The following AP1G1 variants were observed in gnomAD, a reference collection of about 807,000 sequenced individuals.
AP1G1 encodes the protein adaptor related protein complex 1 subunit gamma 1, also known as AP-1 complex subunit gamma-1.
In AP1G1, 7 loss-of-function variants were observed where a neutral mutation model predicts 108.3. The ratio of observed to expected loss-of-function variants is 0.06; its 90% confidence interval spans 0.04 to 0.12. The LOEUF is 0.12. Ranked by LOEUF, AP1G1 falls within the 10% of genes least tolerant of loss-of-function variation. The pLI, the probability that AP1G1 is intolerant of heterozygous loss-of-function variation, is 1.00. For synonymous variants in AP1G1, 379 were observed against 353.5 expected, an observed-to-expected ratio of 1.07 and a Z score of -0.81; for missense variants, 756 against 1,010.7, an observed-to-expected ratio of 0.75 and a Z score of 3.42.
intron 6 of AP1G1, among the ~76,000 whole-genome samples, chr16:71,768,500 CAA>C (rs527404594): frequency 2.4e-5 from 2 of 83,712 alleles, no homozygotes; most frequent in African/African-American, 9.7e-5. Context: ...GACTCCGCCA[CAA>C]AAAAAAAAAA....
intron 2 of AP1G1, 81 bp from the exon 3 acceptor site, chr16:71,774,673 C>A (rs2031708255): frequency 7.1e-7 from 1 of 1,409,650 alleles, no homozygotes; most frequent in South Asian, 1.4e-5. Flanking sequence ...AACCCAGAGT[C>A]CCCAGCTGGC....
At chr16:71,737,499 G>C (rs1296267418) in intron 21 of AP1G1, among the ~76,000 whole-genome samples, 1 of 152,100 alleles carries the variant, frequency 6.6e-6, no homozygotes, top group Non-Finnish European at 1.5e-5. Context: ...TGCTGAGGCT[G>C]GTCTCAAACT....
chr16:71,778,689 A>C (rs912285828), intron 2 of AP1G1, among the ~76,000 whole-genome samples: 20 of 151,854 alleles, frequency 1.3e-4, no homozygotes, highest in Admixed American at 2.6e-4. Flanking sequence ...TCTTAAAAAA[A>C]AAAAAAGAAA....
chr16:71,741,468 A>C (rs2045620824), intron 19 of AP1G1, among the ~76,000 whole-genome samples: 1 of 152,164 alleles, frequency 6.6e-6, no homozygotes, highest in African/African-American at 2.4e-5. Flanking sequence ...CTATAGTCCC[A>C]GCCACTCGGG....
At chr16:71,808,215 C>G in intron 1 of AP1G1, 2 of 651,766 alleles carry the variant, frequency 3.1e-6, no homozygotes, top group Non-Finnish European at 4.0e-6. Flanking sequence ...AACATATACA[C>G]ACACACACGA....
chr16:71,799,735 T>G (rs953529190), intron 1 of AP1G1, among the ~76,000 whole-genome samples: 1 of 150,398 alleles, frequency 6.6e-6, no homozygotes, highest in African/African-American at 2.5e-5. Context: ...CCAATTCTAC[T>G]AAAAATACAG....
intron 2 of AP1G1, among the ~76,000 whole-genome samples, chr16:71,775,749 G>A (rs902680243): frequency 2.0e-5 from 3 of 152,160 alleles, no homozygotes; most frequent in East Asian, 3.8e-4. Flanking sequence ...CAAGTACTAC[G>A]GGAGAGGGCG....
intron 13 of AP1G1, among the ~76,000 whole-genome samples, chr16:71,752,228 A>C (rs1300269123): frequency 6.6e-6 from 1 of 152,170 alleles, no homozygotes; most frequent in East Asian, 1.9e-4. Context: ...TTCCTTCAGG[A>C]GTGTTAATTT....
intron 9 of AP1G1, among the ~76,000 whole-genome samples, chr16:71,762,831 T>G (rs1035021739): frequency 2.0e-5 from 3 of 150,080 alleles, no homozygotes; most frequent in Non-Finnish European, 4.5e-5. Context: ...AGGAGGGGGT[T>G]GTGGGAACCC....
At chr16:71,752,843 T>G (rs1465266472) in intron 13 of AP1G1, among the ~76,000 whole-genome samples, 1 of 152,208 alleles carries the variant, frequency 6.6e-6, no homozygotes, top group Non-Finnish European at 1.5e-5. Context: ...CAATTTTACT[T>G]TATTTCTTTA....
chr16:71,736,098 CAAAAAAA>C (rs1213680207), intron 21 of AP1G1, among the ~76,000 whole-genome samples: 2 of 25,426 alleles, frequency 7.9e-5, no homozygotes, highest in African/African-American at 1.9e-4. Context: ...GACTCCATCT[CAAAAAAA>C]AAAAAAAAAA....
chr16:71,795,450 T>C (rs2032550987), intron 1 of AP1G1, among the ~76,000 whole-genome samples: 1 of 152,190 alleles, frequency 6.6e-6, no homozygotes, highest in African/African-American at 2.4e-5. Flanking sequence ...AGTCACAGAA[T>C]GTCAGTCTAG....
In AP1G1 at chr16:71,729,337, TAAAGG is replaced by T. The variant is rs1406415637; in HGVS notation, c.*3716_*3720del. The T allele has an allele frequency of 6.9e-6, 1 of 144,084 alleles. No individual in the cohort carries two copies. Among genetic ancestry groups the T allele is most frequent in the Non-Finnish European group, 1.5e-5 (1 of 66,592 alleles). 8.9% of individuals were successfully genotyped at this position (144,084 alleles called of 1,614,324 possible). ...TTTATAGGAACACAGTGGGAGTTCATAAAGGAAAGAGTTCAGAAGCTCTTTCCCAT... is the reference window on the plus strand; with the variant it reads ...TTTATAGGAACACAGTGGGAGTTCATAAAGAGTTCAGAAGCTCTTTCCCAT... On this transcript the variant is annotated 3_prime_UTR_variant, in exon 23 of 23. Transcript: ENST00000299980.
At position 71,733,354 on chromosome 16, in the gene AP1G1, C is replaced by T. The variant is rs568055301; in HGVS notation, c.2368-195G>A. ...CAAGAAGCTAACAATGTCATGCCACCAAGTTGAGAAAGCGCATCTGCAGAA... is the reference window on the plus strand; with the variant it reads ...CAAGAAGCTAACAATGTCATGCCACTAAGTTGAGAAAGCGCATCTGCAGAA... On this transcript the variant is annotated intron_variant, in intron 22 of 22. Coordinates refer to ENST00000299980, the MANE Select transcript of AP1G1 (RefSeq NM_001128.6). Among the ~76,000 whole-genome samples the T allele has an allele frequency of 2.2e-4, 34 of 152,284 alleles. 1 individual carries two copies. In the South Asian group the frequency reaches 4.4e-3, roughly 19 times the overall value.
intron 7 of AP1G1, 38 bp from the exon 8 acceptor site, chr16:71,764,764 T>G (rs2031245018): frequency 7.5e-7 from 1 of 1,325,080 alleles, no homozygotes; most frequent in Non-Finnish European, 1.1e-6. Flanking sequence ...ACAAATTATG[T>G]CTCACACAAA....
chr16:71,808,509 G>T, intron 1 of AP1G1: 1 of 1,261,322 alleles, frequency 7.9e-7, no homozygotes, highest in South Asian at 1.3e-5. Context: ...CCGTACCGGC[G>T]GGGCAACGCC....
chr16:71,770,213 G>C (rs998595582), intron 5 of AP1G1, among the ~76,000 whole-genome samples: 1 of 152,112 alleles, frequency 6.6e-6, no homozygotes, highest in Non-Finnish European at 1.5e-5. Context: ...TAATAAATAC[G>C]TGCTCCAAAT....
In AP1G1 at chr16:71,797,538, C is replaced by T. The variant is rs112271897; in HGVS notation, c.-3-8056G>A. Among the ~76,000 whole-genome samples the T allele has an allele frequency of 7.0e-3, 1,069 of 152,118 alleles. 24 individuals are homozygous for T. Among genetic ancestry groups the T allele is most frequent in the African/African-American group, 0.024 (1,015 of 41,506 alleles). On this transcript the variant is annotated intron_variant, in intron 1 of 22. Coordinates refer to ENST00000299980, the MANE Select transcript of AP1G1 (RefSeq NM_001128.6). ...TAATATAGCCGGAGACGGTGGCTCA[C>T]CCCTGTAATCCCAGCACTTTGGGAG...
At chr16:71,802,111 C>T (rs936594822) in intron 1 of AP1G1, among the ~76,000 whole-genome samples, 36 of 152,162 alleles carry the variant, frequency 2.4e-4, no homozygotes, top group African/African-American at 8.4e-4. Context: ...GTTGAAAGAG[C>T]TAACTTATAT....
Sources: allele counts gnomAD v4.1 joint callset (sites outside exome capture counted in the v4.1 genomes callset), GRCh38; gene constraint gnomAD v4.1.1; transcripts MANE v1.5; gene names NCBI Gene and HGNC (gene_info 2026-07-23, HGNC 2026-07-21).